Variants in CERS6 observed in about 807,000 individuals in gnomAD.
The protein encoded by CERS6 is ceramide synthase 6, also known as LAG1 homolog, ceramide synthase 6.
A neutral mutation model predicts 56.8 loss-of-function variants in CERS6; 26 were observed. The ratio of observed to expected loss-of-function variants is 0.46; its 90% CI spans 0.34 to 0.63. CERS6 has a LOEUF of 0.63. Among genes scored for constraint, CERS6 ranks in the 30% least tolerant of loss-of-function variants. The pLI, the probability that CERS6 is intolerant of heterozygous loss-of-function variation, is 0.01. For missense variants in CERS6, 415 were observed against 467.5 expected (o/e 0.89, Z 1.04); for synonymous variants, 164 against 173.3 (o/e 0.95, Z 0.42).
chr2:168,645,138 T>TAG (rs1685156870), intron 4 of CERS6, among the ~76,000 whole-genome samples: 3 of 30,030 alleles, frequency 1.0e-4, no homozygotes, highest in Admixed American at 4.5e-4. Flanking sequence ...TATATATATA[T>TAG]ATATAGAGAG....
intron 1 of CERS6, among the ~76,000 whole-genome samples, chr2:168,498,852 G>C (rs1420129585): frequency 6.6e-6 from 1 of 152,172 alleles, no homozygotes; most frequent in African/African-American, 2.4e-5. Context: ...TTAGCCCGTA[G>C]GGAGGGAAGA....
intron 1 of CERS6, among the ~76,000 whole-genome samples, chr2:168,541,346 G>C (rs528579956): frequency 6.6e-6 from 1 of 152,284 alleles, no homozygotes; most frequent in East Asian, 1.9e-4. Context: ...GGAAGTTACA[G>C]ACTATTATTT....
intron 4 of CERS6, among the ~76,000 whole-genome samples, chr2:168,684,736 A>G (rs925696008): frequency 1.3e-5 from 2 of 152,214 alleles, no homozygotes; most frequent in Admixed American, 6.5e-5. Context: ...AAAAGTATTA[A>G]TAACAATGGG....
intron 1 of CERS6, among the ~76,000 whole-genome samples, chr2:168,513,479 GT>G (rs1249438730): frequency 1.3e-5 from 2 of 152,144 alleles, no homozygotes; most frequent in Admixed American, 1.3e-4. Context: ...GTTTTGAAGA[GT>G]TCTGGTCAGG....
At chr2:168,646,950 G>A (rs562422186) in intron 4 of CERS6, among the ~76,000 whole-genome samples, 1 of 152,286 alleles carries the variant, frequency 6.6e-6, no homozygotes, top group East Asian at 1.9e-4. Context: ...AGTATAGTTT[G>A]AGATCAGGTT....
chr2:168,584,900 A>G (rs1189539752), intron 3 of CERS6, among the ~76,000 whole-genome samples: 1 of 152,258 alleles, frequency 6.6e-6, no homozygotes, highest in African/African-American at 2.4e-5. Flanking sequence ...GAGGAAGTAG[A>G]AAATATGTAA....
chr2:168,722,249 C>T (rs1304756816), intron 8 of CERS6, among the ~76,000 whole-genome samples: 2 of 152,164 alleles, frequency 1.3e-5, no homozygotes, highest in African/African-American at 4.8e-5. Context: ...TTGTCTTTCA[C>T]TTCCTTGATG....
Position 168,630,883 on chromosome 2 carries a change from A to C in CERS6, c.408-102A>C. The C allele has an allele frequency of 9.6e-6, 5 of 519,766 alleles. No homozygotes were observed. The Admixed American group carries it at 1.8e-4, about 19-fold the overall frequency. The allele number at this position is 519,766 out of a possible 1,614,324, so 32.2% of individuals were successfully genotyped here. Reference sequence around the variant, plus strand: ...TTTAATCCTTAGTTGAGGTAGGGGGACAAATTTAATTTAATGAACTCTTTT... The same window carrying C: ...TTTAATCCTTAGTTGAGGTAGGGGGCCAAATTTAATTTAATGAACTCTTTT... On this transcript the variant is annotated intron_variant, in intron 3 of 9. Transcript: ENST00000305747.
At chr2:168,627,297 G>A (rs12329179) in intron 3 of CERS6, among the ~76,000 whole-genome samples, 2,818 of 152,268 alleles carry the variant, frequency 0.019, 39 homozygotes, top group Non-Finnish European at 0.027. Context: ...GCTAACCATA[G>A]TCTTTTTATG....
chr2:168,593,603 G>T (rs1344724646), intron 3 of CERS6, among the ~76,000 whole-genome samples: 1 of 152,052 alleles, frequency 6.6e-6, no homozygotes, highest in Non-Finnish European at 1.5e-5. Context: ...CATAATAGAA[G>T]ATATTAGCCC....
chr2:168,545,584 A>T (rs1695451840), intron 1 of CERS6, among the ~76,000 whole-genome samples: 1 of 151,904 alleles, frequency 6.6e-6, no homozygotes, highest in Non-Finnish European at 1.5e-5. Flanking sequence ...TGACTCCCCT[A>T]CTGCCTGCCC....
At chr2:168,662,452 G>A (rs529161521) in intron 4 of CERS6, among the ~76,000 whole-genome samples, 1 of 152,268 alleles carries the variant, frequency 6.6e-6, no homozygotes, top group South Asian at 2.1e-4. Flanking sequence ...GAAAGGGCCA[G>A]GCACGGTGGC....
intron 4 of CERS6, among the ~76,000 whole-genome samples, chr2:168,685,163 A>G (rs1297772349): frequency 6.6e-6 from 1 of 152,226 alleles, no homozygotes; most frequent in Non-Finnish European, 1.5e-5. Flanking sequence ...CGGAAATAGC[A>G]AAAGATGAAA....
rs186196161 is a variant in CERS6 at position 168,622,406 on chromosome 2, C to T, written c.408-8579C>T. Among the ~76,000 whole-genome samples the T allele has an allele frequency of 1.9e-3, 285 of 152,312 alleles. 1 individual carries two copies. The highest frequency in any genetic ancestry group is 6.3e-3 in the African/African-American group (263 of 41,568). Reference sequence around the variant, plus strand: ...CTGTATACCTTCTCTGTTCTTTACTCTTCAAAAGTAATGTCTATCCTGAAT... The same window carrying T: ...CTGTATACCTTCTCTGTTCTTTACTTTTCAAAAGTAATGTCTATCCTGAAT... On this transcript the variant is annotated intron_variant, in intron 3 of 9. Transcript: ENST00000305747.
intron 8 of CERS6, among the ~76,000 whole-genome samples, chr2:168,754,343 A>G (rs1432633221): frequency 5.9e-5 from 9 of 152,234 alleles, no homozygotes; most frequent in East Asian, 3.8e-4. Context: ...TATACTTTAC[A>G]TAACTAAATA....
At chr2:168,673,960 G>A in intron 4 of CERS6, among the ~76,000 whole-genome samples, 1 of 152,150 alleles carries the variant, frequency 6.6e-6, no homozygotes, top group East Asian at 1.9e-4. Context: ...TTTCTAGACA[G>A]CAGATGACTA....
chr2:168,647,871 A>G (rs1685243522), intron 4 of CERS6, among the ~76,000 whole-genome samples: 1 of 152,264 alleles, frequency 6.6e-6, no homozygotes, highest in Non-Finnish European at 1.5e-5. Context: ...CTACTTGATC[A>G]TGATGGATTA....
chr2:168,463,127 T>C lies in CERS6; in HGVS notation c.170+6509T>C, dbSNP rs538808755. ...CCCATTTTATGGATGAAATTTAGGA[T>C]TGAGAATTTAGGAAATACACTTAAC... On this transcript the variant is annotated intron_variant, in intron 1 of 9. Transcript: ENST00000305747. Among the ~76,000 whole-genome samples, 45 of 152,344 alleles carry C rather than the reference T, an allele frequency of 3.0e-4. No homozygotes were observed. In the South Asian group the frequency reaches 8.5e-3, roughly 29 times the overall value.
chr2:168,687,250 CA>C (rs1686375888), intron 4 of CERS6, among the ~76,000 whole-genome samples: 1 of 152,152 alleles, frequency 6.6e-6, no homozygotes, highest in Non-Finnish European at 1.5e-5. Context: ...ATGATTCTCG[CA>C]AAGATTAGAA....
Sources: allele counts gnomAD v4.1 joint callset (sites outside exome capture counted in the v4.1 genomes callset), GRCh38; gene constraint gnomAD v4.1.1; transcripts MANE v1.5; gene names NCBI Gene and HGNC (gene_info 2026-07-23, HGNC 2026-07-21).